Variants in ZNF385D observed in about 807,000 individuals in gnomAD.
The protein encoded by ZNF385D is zinc finger protein 659.
Under a neutral mutation model 35.8 loss-of-function variants are expected in ZNF385D, and 15 were observed. The ratio of observed to expected loss-of-function variants is 0.42; its 90% confidence interval spans 0.28 to 0.64. The LOEUF (loss-of-function observed/expected upper bound fraction) is 0.64, where lower values mean the gene tolerates loss of function less well. Among genes scored for constraint, ZNF385D ranks in the 30% least tolerant of loss-of-function variants. The pLI is 0.23. For synonymous variants in ZNF385D, 212 were observed against 186.8 expected (o/e 1.13, Z -1.10); for missense variants, 474 against 494.6 (o/e 0.96, Z 0.39).
In ZNF385D at chr3:21,771,250, A is replaced by C. The variant is rs573051020; in HGVS notation, c.326-106222T>G. On this transcript the variant is annotated intron_variant, in intron 3 of 5. Transcript: ENST00000494108. Reference sequence around the variant, plus strand: ...AACTTAAAGTATAATAATAAAAAAAAAAACCTGAGGAAGCCTTAAATGTAC... The same window carrying C: ...AACTTAAAGTATAATAATAAAAAAACAAACCTGAGGAAGCCTTAAATGTAC... Among the ~76,000 whole-genome samples the C allele has an allele frequency of 3.3e-5, 5 of 152,026 alleles. No individual in the cohort carries two copies. The South Asian group carries it at 1.0e-3, about 32-fold the overall frequency.
intron 4 of ZNF385D, among the ~76,000 whole-genome samples, chr3:21,440,527 T>C (rs1701806677): frequency 6.6e-6 from 1 of 152,060 alleles, no homozygotes; most frequent in Non-Finnish European, 1.5e-5. Flanking sequence ...TGAATGAGAT[T>C]CTAGGGCAAA....
chr3:21,751,151 T>C lies in ZNF385D; in HGVS notation c.-235A>G. Reference sequence around the variant, plus strand: ...CTCGGGCTGCCTGCTGCACTGCCCATCCTTACTGTAATCCGACTCCTCCTT... The same window carrying C: ...CTCGGGCTGCCTGCTGCACTGCCCACCCTTACTGTAATCCGACTCCTCCTT... On this transcript the variant is annotated 5_prime_UTR_variant, in exon 1 of 8. The change abolishes an upstream ATG in the 5' untranslated region. Coordinates refer to ENST00000281523, the MANE Select transcript of ZNF385D (RefSeq NM_024697.3). The C allele has an allele frequency of 7.0e-7, 1 of 1,433,794 alleles. No homozygotes were observed. 88.8% of individuals were successfully genotyped at this position (1,433,794 alleles called of 1,614,324 possible). A position where few individuals can be genotyped will look rare whatever the true frequency, so the allele number is the denominator to read the frequency against.
intron 3 of ZNF385D, among the ~76,000 whole-genome samples, chr3:21,817,280 A>C (rs998002165): frequency 1.3e-5 from 2 of 152,252 alleles, no homozygotes; most frequent in Non-Finnish European, 2.9e-5. Context: ...ATGGGCAAGG[A>C]CTTCATGACT....
intron 3 of ZNF385D, among the ~76,000 whole-genome samples, chr3:22,032,678 A>G (rs912446032): frequency 2.0e-5 from 3 of 152,208 alleles, no homozygotes; most frequent in Admixed American, 6.5e-5. Flanking sequence ...GTACTAAACA[A>G]TTAAATAAAA....
intron 2 of ZNF385D, among the ~76,000 whole-genome samples, chr3:22,346,159 C>T (rs1490975287): frequency 6.6e-6 from 1 of 152,186 alleles, no homozygotes; most frequent in Non-Finnish European, 1.5e-5. Context: ...ATTTCCCACT[C>T]CTGTTAGCCT....
At chr3:21,708,675 T>G (rs2067993439) in intron 1 of ZNF385D, among the ~76,000 whole-genome samples, 1 of 152,208 alleles carries the variant, frequency 6.6e-6, no homozygotes, top group Non-Finnish European at 1.5e-5. Flanking sequence ...ATTATTTTAT[T>G]ACAGCTTGGT....
intron 3 of ZNF385D, among the ~76,000 whole-genome samples, chr3:21,941,348 T>C (rs574262469): frequency 6.6e-6 from 1 of 152,282 alleles, no homozygotes; most frequent in Non-Finnish European, 1.5e-5. Context: ...TAGTAGTATA[T>C]GTATGCACTA....
rs1398446872 is a variant in ZNF385D, at chr3:21,750,942, C to T, written c.-26G>A. 1 of 1,614,100 alleles carries T rather than the reference C, an allele frequency of 6.2e-7. No individual in the cohort carries two copies. Among genetic ancestry groups the T allele is most frequent in the East Asian group, 2.2e-5 (1 of 44,880 alleles). On this transcript the variant is annotated 5_prime_UTR_variant, in exon 1 of 8. Transcript: ENST00000281523. ...TAATCAGACAGCTGGAATCCCACCGCGGTGTCTTCAGCATCAGCTCTCACC... is the reference window on the plus strand; with the variant it reads ...TAATCAGACAGCTGGAATCCCACCGTGGTGTCTTCAGCATCAGCTCTCACC...
At chr3:21,720,702 T>A (rs1263067661) in intron 1 of ZNF385D, among the ~76,000 whole-genome samples, 1 of 152,204 alleles carries the variant, frequency 6.6e-6, no homozygotes, top group Non-Finnish European at 1.5e-5. Context: ...CTTGGAGAAG[T>A]CATCAAGGTC....
intron 3 of ZNF385D, among the ~76,000 whole-genome samples, chr3:21,784,090 C>T (rs1230494269): frequency 6.6e-6 from 1 of 152,130 alleles, no homozygotes; most frequent in Non-Finnish European, 1.5e-5. Context: ...TATCAGTCTC[C>T]TGTAAGAAGT....
At chr3:22,355,584 C>T (rs1312378252) in intron 2 of ZNF385D, among the ~76,000 whole-genome samples, 1 of 151,590 alleles carries the variant, frequency 6.6e-6, no homozygotes, top group Admixed American at 6.6e-5. Flanking sequence ...AAAGAAGGTA[C>T]CTGGAATGAA....
intron 2 of ZNF385D, among the ~76,000 whole-genome samples, chr3:21,617,238 T>C (rs2064874109): frequency 6.6e-6 from 1 of 152,318 alleles, no homozygotes; most frequent in East Asian, 1.9e-4. Context: ...TCAGCTCTCA[T>C]GTGCTCAAAA....
intron 3 of ZNF385D, among the ~76,000 whole-genome samples, chr3:22,148,457 A>T (rs1322818091): frequency 1.3e-5 from 2 of 152,200 alleles, no homozygotes; most frequent in African/African-American, 4.8e-5. Flanking sequence ...AAAACCTGTG[A>T]AACTACTGAA....
chr3:21,479,271 T>A (rs943628048), intron 4 of ZNF385D, among the ~76,000 whole-genome samples: 24 of 152,058 alleles, frequency 1.6e-4, no homozygotes, highest in Admixed American at 1.4e-3. Flanking sequence ...CTTGAGAAAT[T>A]TATCTTTACT....
At chr3:22,250,644 A>G (rs6783621) in intron 2 of ZNF385D, among the ~76,000 whole-genome samples, 2 of 152,118 alleles carry the variant, frequency 1.3e-5, no homozygotes, top group African/African-American at 2.4e-5. Flanking sequence ...TGAGAGAAGA[A>G]TATTAAACAA....
intron 3 of ZNF385D, among the ~76,000 whole-genome samples, chr3:22,125,050 G>C (rs961647520): frequency 6.6e-6 from 1 of 152,072 alleles, no homozygotes; most frequent in East Asian, 1.9e-4. Flanking sequence ...CATAGTTTGA[G>C]ATCTTAGATT....
intron 3 of ZNF385D, among the ~76,000 whole-genome samples, chr3:21,528,903 T>C (rs2061853993): frequency 6.6e-6 from 1 of 152,186 alleles, no homozygotes; most frequent in South Asian, 2.1e-4. Context: ...ATCAAAGTGC[T>C]CTGAAAATCT....
At chr3:22,329,287 A>C (rs1218004931) in intron 2 of ZNF385D, among the ~76,000 whole-genome samples, 1 of 152,018 alleles carries the variant, frequency 6.6e-6, no homozygotes, top group Non-Finnish European at 1.5e-5. Flanking sequence ...TTGAGTAACA[A>C]TTTGGTTTGG....
At chr3:21,718,389 T>C (rs2068409594) in intron 1 of ZNF385D, among the ~76,000 whole-genome samples, 1 of 152,216 alleles carries the variant, frequency 6.6e-6, no homozygotes, top group African/African-American at 2.4e-5. Flanking sequence ...GACTAAGTTC[T>C]GGGAACCACT....
Sources: gnomAD v4.1 joint callset for allele counts (sites outside exome capture counted in the v4.1 genomes callset) on GRCh38, gnomAD v4.1.1 for gene constraint, MANE v1.5 for transcripts, NCBI Gene and HGNC (gene_info 2026-07-23, HGNC 2026-07-21) for gene names.